USP32: variants seen among roughly 807,000 people sequenced by gnomAD.
USP32 encodes ubiquitin carboxyl-terminal hydrolase 32.
Under a neutral mutation model 204.8 loss-of-function variants are expected in USP32, and 59 were observed. The ratio of observed to expected loss-of-function variants is 0.29; its 90% CI spans 0.23 to 0.36. The LOEUF (loss-of-function observed/expected upper bound fraction) is 0.36, where lower values mean the gene tolerates loss of function less well. Ranked by LOEUF, USP32 falls within the 10% of genes least tolerant of loss-of-function variation. USP32 has a pLI of 1.00. For synonymous variants in USP32, 517 were observed against 678.4 expected (o/e 0.76, Z 3.70); for missense variants, 1,160 against 1,946.4 (o/e 0.60, Z 7.60).
chr17:60,384,740 C>G (rs1379028398), intron 1 of USP32, among the ~76,000 whole-genome samples: 3 of 150,894 alleles, frequency 2.0e-5, no homozygotes, highest in Non-Finnish European at 4.4e-5. Context: ...TGCAGTGAGC[C>G]GAGACTGTGC....
intron 26 of USP32, among the ~76,000 whole-genome samples, chr17:60,204,270 C>A (rs1445306550): frequency 6.6e-6 from 1 of 152,132 alleles, no homozygotes; most frequent in Non-Finnish European, 1.5e-5. Flanking sequence ...ATATACATAC[C>A]TACACAAACA....
Position 60,183,183 on chromosome 17 carries a change from T to C in USP32, c.4105A>G (p.Ile1369Val), listed in dbSNP as rs771958349. The change falls in exon 31 of 34, where the codon ATC becomes GTC. Residue 1369 changes from isoleucine to valine, a missense_variant. By Grantham distance (29) the Ile-to-Val change is conservative (BLOSUM62 3). This residue lies in a region of USP32 where 244 missense variants were observed against 342.3 expected (regional missense o/e 0.71). Transcript: ENST00000300896. ...SKSPSSLSAN[I>V]ISSPKGSPSS... ...GCCTCACCTTTCGGGCTGCTGATGA[T>C]GTTAGCGCTGAGTGAGGATGGGCTT... 8 of 1,613,612 alleles carry C rather than the reference T, an allele frequency of 5.0e-6. No individual in the cohort carries two copies. Among genetic ancestry groups the C allele is most frequent in the East Asian group, 2.2e-5 (1 of 44,882 alleles).
rs148425378 is a variant in USP32 at position 60,181,607 on chromosome 17, C to G, written c.4265G>C (p.Ser1422Thr). 2 of 1,614,030 alleles carry G rather than the reference C, an allele frequency of 1.2e-6. No individual in the cohort carries two copies. The highest frequency in any genetic ancestry group is 4.5e-5 in the East Asian group (2 of 44,884). Reference protein sequence around the residue: ...PQIGSKNKLSSSKENLDASKE... With the variant: ...PQIGSKNKLSTSKENLDASKE... ...GCTGGCATCCAAGTTCTCTTTACTA[C>G]TTGACAGTTTATTTTTGCTGCCAAT... Residue 1422 changes from serine (S) to threonine (T), a missense_variant, in exon 32 of 34, where the codon AGT becomes ACT. Physicochemically the swap from Ser to Thr is moderately conservative, Grantham distance 58. Around this residue, in one of 8 missense-constraint regions of USP32, gnomAD observed 244 missense variants for 342.3 expected, o/e 0.71. Transcript: ENST00000300896.
At position 60,271,340 on chromosome 17, in the gene USP32, T is replaced by G. The variant is rs753644992; in HGVS notation, c.703+10A>C. 1 of 1,613,294 alleles carries G rather than the reference T, an allele frequency of 6.2e-7. No individual in the cohort carries two copies. ...CAGTGAACATATGTAGAAAATGGAA[T>G]GATCCCTACCTTCACTTAGAGATGG... On this transcript the variant is annotated intron_variant, in intron 6 of 33. Transcript: ENST00000300896.
chr17:60,360,505 A>G (rs1018978917), intron 1 of USP32, among the ~76,000 whole-genome samples: 6 of 151,910 alleles, frequency 3.9e-5, no homozygotes, highest in African/African-American at 1.4e-4. Flanking sequence ...CTAAAAATAC[A>G]AAAGTTAGCC....
chr17:60,386,332 A>G (rs754323086), intron 1 of USP32, among the ~76,000 whole-genome samples: 2 of 150,674 alleles, frequency 1.3e-5, no homozygotes, highest in Non-Finnish European at 2.9e-5. Context: ...TTCTCAGTAC[A>G]CTATCCAACT....
intron 1 of USP32, among the ~76,000 whole-genome samples, chr17:60,401,997 A>G (rs1423422815): frequency 6.6e-6 from 1 of 152,116 alleles, no homozygotes; most frequent in African/African-American, 2.4e-5. Flanking sequence ...CTCATGGGCA[A>G]CCTTTCTGGA....
chr17:60,403,012 G>A (rs935969755), intron 1 of USP32, among the ~76,000 whole-genome samples: 4 of 151,748 alleles, frequency 2.6e-5, no homozygotes, highest in East Asian at 3.9e-4. Flanking sequence ...CGGGTAAGCC[G>A]TATCTCTGTT....
At chr17:60,396,237 C>G (rs148528805), upstream of USP32, among the ~76,000 whole-genome samples, 2 of 151,968 alleles carry the variant, frequency 1.3e-5, no homozygotes, top group African/African-American at 4.8e-5. Flanking sequence ...GCCACCACAC[C>G]TGACTAATTT....
intron 2 of USP32, among the ~76,000 whole-genome samples, chr17:60,334,833 A>AAT (rs1251167812): frequency 7.0e-6 from 1 of 143,326 alleles, no homozygotes; most frequent in East Asian, 1.9e-4. Flanking sequence ...TTAGCAGCTC[A>AAT]ATATATATAC....
At chr17:60,303,260 G>GA (rs1221090626) in intron 2 of USP32, among the ~76,000 whole-genome samples, 1 of 151,938 alleles carries the variant, frequency 6.6e-6, no homozygotes, top group Non-Finnish European at 1.5e-5. Flanking sequence ...AAATAACAGG[G>GA]AAAAACAAAA....
intron 5 of USP32, among the ~76,000 whole-genome samples, chr17:60,283,129 C>A (rs1401870689): frequency 2.0e-5 from 3 of 152,148 alleles, no homozygotes; most frequent in African/African-American, 7.2e-5. Context: ...GCTTTGATGA[C>A]AAACAATCAT....
rs182638423 is a variant in USP32 at position 60,223,665 on chromosome 17, C to T, written c.1433-79G>A. 5.3e-4 allele frequency: 648 copies of T among 1,231,058 alleles called. 4 individuals are homozygous for T. The African/African-American group carries it at 9.4e-3, about 18-fold the overall frequency. 76.3% of individuals were successfully genotyped at this position (1,231,058 alleles called of 1,614,324 possible). On this transcript the variant is annotated intron_variant, in intron 13 of 33. Transcript: ENST00000300896. ...AGGCTTGAGGATATGAACTCAATGC[C>T]CATGTATTGTATTACTCTGTTGACA...
At chr17:60,288,464 C>A in intron 5 of USP32, 59 bp downstream of exon 5, 1 of 1,516,900 alleles carries the variant, frequency 6.6e-7, no homozygotes. Context: ...TCTCATATTA[C>A]CAGCCAATTA....
At chr17:60,264,617 G>A (rs2086539493) in intron 9 of USP32, among the ~76,000 whole-genome samples, 1 of 151,966 alleles carries the variant, frequency 6.6e-6, no homozygotes, top group African/African-American at 2.4e-5. Context: ...AGCACTTTGG[G>A]AGGCCAAGGC....
intron 11 of USP32, chr17:60,249,016 A>T (rs985050106): frequency 6.6e-6 from 1 of 152,124 alleles, no homozygotes; most frequent in South Asian, 2.1e-4. Flanking sequence ...CTTCCGGTAC[A>T]GTATCTTGCA....
At chr17:60,262,153 T>C (rs569757155) in intron 9 of USP32, among the ~76,000 whole-genome samples, 1 of 152,298 alleles carries the variant, frequency 6.6e-6, no homozygotes, top group South Asian at 2.1e-4. Flanking sequence ...GCAAATTCAC[T>C]GACTATATGG....
intron 26 of USP32, among the ~76,000 whole-genome samples, chr17:60,205,010 C>T (rs1429020802): frequency 2.0e-5 from 3 of 150,688 alleles, no homozygotes; most frequent in African/African-American, 7.3e-5. Context: ...CCAGGCTAGC[C>T]TTGAACTCCT....
At chr17:60,222,974 G>A (rs888463788) in intron 14 of USP32, among the ~76,000 whole-genome samples, 3 of 151,874 alleles carry the variant, frequency 2.0e-5, no homozygotes, top group Admixed American at 2.0e-4. Flanking sequence ...GAGCCACCAC[G>A]TCCAGCAAAA....
Sources: gnomAD v4.1 joint callset for allele counts (sites outside exome capture counted in the v4.1 genomes callset) on GRCh38, gnomAD v4.1.1 for gene constraint, gnomAD v4.1.1 regional missense constraint, MANE v1.5 for transcripts, NCBI Gene and HGNC (gene_info 2026-07-23, HGNC 2026-07-21) for gene names.